CLN5: variants seen among roughly 807,000 people sequenced by gnomAD.
The protein encoded by CLN5 is bis(monoacylglycero)phosphate synthase CLN5.
A neutral mutation model predicts 36.7 loss-of-function variants in CLN5; 34 were observed. The observed-to-expected ratio is 0.93, with a 90% CI of 0.71 to 1.23. The LOEUF (loss-of-function observed/expected upper bound fraction) is 1.23, where lower values mean the gene tolerates loss of function less well. CLN5 is among the 50% of genes most tolerant of loss of function. The pLI, the probability that CLN5 is intolerant of heterozygous loss-of-function variation, is 0.00. For synonymous variants in CLN5, 151 were observed against 155.1 expected (o/e 0.97, Z 0.20); for missense variants, 427 against 439.4 (o/e 0.97, Z 0.25).
At chr13:76,997,088 A>G (rs1251703566) in intron 3 of CLN5, 1 of 151,796 alleles carries the variant, frequency 6.6e-6, no homozygotes, top group Non-Finnish European at 1.5e-5. Flanking sequence ...GGCCATTTGT[A>G]TATCTTCTGA....
intron 2 of CLN5, 59 bp downstream of exon 2, chr13:76,995,287 G>C: frequency 6.8e-7 from 1 of 1,477,044 alleles, no homozygotes; most frequent in African/African-American, 1.4e-5. Flanking sequence ...TTATTAAGTT[G>C]ATTTTTAAGG....
At chr13:77,000,351 C>T in intron 3 of CLN5, 107 bp from the exon 4 acceptor site, 1 of 1,077,838 alleles carries the variant, frequency 9.3e-7, no homozygotes, top group South Asian at 1.7e-5. Context: ...TACCACCGCA[C>T]TCTAGCCTCG....
Position 76,995,950 on chromosome 13 carries a change from A to G in CLN5, c.388A>G (p.Asn130Asp). The G allele has an allele frequency of 6.2e-7, 1 of 1,614,246 alleles. No individual in the cohort carries two copies. Among genetic ancestry groups the G allele is most frequent in the Non-Finnish European group, 8.5e-7 (1 of 1,180,042 alleles). Residue 130 changes from asparagine to aspartate, a missense_variant, in exon 3 of 4, where the codon AAC becomes GAC. Coordinates refer to ENST00000377453, the MANE Select transcript of CLN5 (RefSeq NM_006493.4). ...ATTCAGAAGTACATTAACTGGCAAGAACTACACAATGGAATGGTATGAACT... is the reference window on the plus strand; with the variant it reads ...ATTCAGAAGTACATTAACTGGCAAGGACTACACAATGGAATGGTATGAACT... ...IGFRSTLTGK[N>D]YTMEWYELFQ...
Position 76,992,094 on chromosome 13 carries a change from GC to G in CLN5, c.-3del. Reference sequence around the variant, plus strand: ...AGAGGCTCCGGAAGTACTGGGTGCAGCCTGATGGCGCAGGAGGTAGACACGG... The same window carrying G: ...AGAGGCTCCGGAAGTACTGGGTGCAGCTGATGGCGCAGGAGGTAGACACGG... On this transcript the variant is annotated 5_prime_UTR_variant, in exon 1 of 4. Transcript: ENST00000377453. 1 of 1,611,986 alleles carries G rather than the reference GC, an allele frequency of 6.2e-7. No homozygotes were observed. Among genetic ancestry groups the G allele is most frequent in the Non-Finnish European group, 8.5e-7 (1 of 1,179,458 alleles).
At chr13:76,994,322 A>C (rs2034229339) in intron 1 of CLN5, 1 of 152,192 alleles carries the variant, frequency 6.6e-6, no homozygotes, top group South Asian at 2.1e-4. Context: ...ACAATACTTA[A>C]CATTTCCTCT....
Position 77,003,860 on chromosome 13 carries a change from T to A in CLN5, c.*2891T>A, listed in dbSNP as rs1252786095. 1 of 152,174 alleles carries A rather than the reference T, an allele frequency of 6.6e-6. No homozygotes were observed. Among genetic ancestry groups the A allele is most frequent in the Non-Finnish European group, 1.5e-5 (1 of 68,080 alleles). The allele number at this position is 152,174 out of a possible 1,614,324, so 9.4% of individuals were successfully genotyped here. ...TACTTGGGAGGCTGAGGCAGGAGAA[T>A]CACTTGAATCCAGGAGGTGGAGGTT... On this transcript the variant is annotated 3_prime_UTR_variant, in exon 4 of 4. Transcript: ENST00000377453.
intron 1 of CLN5, chr13:76,994,852 C>T (rs979982849): frequency 2.0e-6 from 1 of 501,530 alleles, no homozygotes; most frequent in Admixed American, 3.8e-5. Flanking sequence ...AACAGGGAAG[C>T]CCGTATTTAT....
chr13:76,996,268 T>C (rs2034266839), intron 3 of CLN5, 141 bp downstream of exon 3: 1 of 723,634 alleles, frequency 1.4e-6, no homozygotes. Context: ...CATTAAACTT[T>C]GGGAATTTTT....
chr13:77,000,730 G>A lies in CLN5; in HGVS notation c.838G>A (p.Gly280Arg). The A allele has an allele frequency of 6.2e-7, 1 of 1,614,088 alleles. No individual in the cohort carries two copies. Among genetic ancestry groups the A allele is most frequent in the Non-Finnish European group, 8.5e-7 (1 of 1,179,978 alleles). ...GNETSVFGPT[G>R]NKTLGLAIKR... is the part of the protein sequence containing the mutation. ...TGAAACATCTGTTTTTGGGCCAACAGGAAACAAGACTCTTGGTTTAGCCAT... is the reference window on the plus strand; with the variant it reads ...TGAAACATCTGTTTTTGGGCCAACAAGAAACAAGACTCTTGGTTTAGCCAT... Residue 280 changes from glycine to arginine, a missense_variant, in exon 4 of 4, where the codon GGA (glycine) becomes AGA (arginine). Coordinates refer to ENST00000377453, the MANE Select transcript of CLN5 (RefSeq NM_006493.4).
In CLN5 at chr13:77,004,997, T is replaced by G. The variant is rs572233533; in HGVS notation, c.*4028T>G. ...AATAATCTGTTTTATAAGTTCTCAT[T>G]CTGAATGCAGAAAGAACCTATTATT... On this transcript the variant is annotated 3_prime_UTR_variant, in exon 4 of 4. Coordinates refer to ENST00000377453, the MANE Select transcript of CLN5 (RefSeq NM_006493.4). 1 of 152,292 alleles carries G rather than the reference T, an allele frequency of 6.6e-6. No individual in the cohort carries two copies. The highest frequency in any genetic ancestry group is 1.5e-5 in the Non-Finnish European group (1 of 68,018). 9.4% of individuals were successfully genotyped at this position (152,292 alleles called of 1,614,324 possible). A position where few individuals can be genotyped will look rare whatever the true frequency, so the allele number is the denominator to read the frequency against.
At chr13:76,996,765 T>A (rs1358673636) in intron 3 of CLN5, 1 of 152,938 alleles carries the variant, frequency 6.5e-6, no homozygotes, top group African/African-American at 2.4e-5. Context: ...TAAACATGCA[T>A]GGGAAAGTAT....
intron 1 of CLN5, chr13:76,993,773 T>G (rs548479913): frequency 6.6e-6 from 1 of 152,178 alleles, no homozygotes; most frequent in Non-Finnish European, 1.5e-5. Context: ...GTTAATAGTT[T>G]CGATTAGCAT....
chr13:77,000,847 A>G lies in CLN5; in HGVS notation c.955A>G (p.Lys319Glu), dbSNP rs202171514. The change falls in exon 4 of 4, where the codon AAA becomes GAA. Residue 319 changes from lysine (K) to glutamate (E), a missense_variant. Lys to Glu is a moderately conservative substitution (Grantham distance 56). Coordinates refer to ENST00000377453, the MANE Select transcript of CLN5 (RefSeq NM_006493.4). ...LQIFDAVIVH[K>E]QFYLFYNFEY... ...AATTTTTGATGCAGTGATTGTGCAC[A>G]AACAGTTCTATTTGTTTTATAATTT... The G allele has an allele frequency of 1.9e-6, 3 of 1,603,526 alleles. No individual in the cohort carries two copies. Among genetic ancestry groups the G allele is most frequent in the Non-Finnish European group, 2.5e-6 (3 of 1,176,478 alleles).
At chr13:76,992,314 T>C in intron 1 of CLN5, 43 bp downstream of exon 1, 2 of 1,505,864 alleles carry the variant, frequency 1.3e-6, no homozygotes, top group African/African-American at 1.4e-5. Context: ...GGGGTCGGCG[T>C]TGACGATGGG....
intron 1 of CLN5, chr13:76,993,131 A>G (rs2034208651): frequency 6.6e-6 from 1 of 152,256 alleles, no homozygotes; most frequent in African/African-American, 2.4e-5. Flanking sequence ...GCTATTTTGT[A>G]TGACAGTATG....
intron 1 of CLN5, chr13:76,993,888 G>A (rs2034220932): frequency 6.6e-6 from 1 of 152,176 alleles, no homozygotes; most frequent in Non-Finnish European, 1.5e-5. Flanking sequence ...GATAGAAGCT[G>A]TTGTCGCCAC....
chr13:76,994,985 G>A, intron 1 of CLN5, 78 bp from the exon 2 acceptor site: 1 of 1,391,626 alleles, frequency 7.2e-7, no homozygotes, highest in Non-Finnish European at 1.0e-6. Context: ...CCCTAAAAAT[G>A]TTACTGGATT....
At chr13:76,995,460 C>T in intron 2 of CLN5, 1 of 545,578 alleles carries the variant, frequency 1.8e-6, no homozygotes, top group Non-Finnish European at 3.3e-6. Context: ...AAACCAGCTC[C>T]TGTACCTAGC....
rs1469542057 is a variant in CLN5, at chr13:76,996,121, A to T, written c.559A>T (p.Ile187Leu). ...ENGTLVQVAT[I>L]SGNMFNQMAK... ...TGGGACATTAGTTCAAGTAGCAACT[A>T]TATCAGGTAAGTTGTGAAAATATAG... The change falls in exon 3 of 4, where the codon ATA becomes TTA. Residue 187 changes from isoleucine to leucine, a missense_variant. Transcript: ENST00000377453. 1 of 1,611,986 alleles carries T rather than the reference A, an allele frequency of 6.2e-7. No individual in the cohort carries two copies. The highest frequency in any genetic ancestry group is 1.1e-5 in the South Asian group (1 of 91,024).
Sources: gnomAD v4.1 joint callset for allele counts on GRCh38, gnomAD v4.1.1 for gene constraint, MANE v1.5 for transcripts, NCBI Gene and HGNC (gene_info 2026-07-23, HGNC 2026-07-21) for gene names.